CCNJL: variants seen among roughly 807,000 people sequenced by gnomAD.
The protein encoded by CCNJL is cyclin J like.
Under a neutral mutation model 33.4 loss-of-function variants are expected in CCNJL, and 33 were observed. That is an observed-to-expected ratio of 0.99 (90% CI 0.75 to 1.32). The LOEUF (loss-of-function observed/expected upper bound fraction) is 1.32. Among genes scored for constraint, CCNJL ranks in the 40% most tolerant of loss-of-function variants. The pLI is 0.00. For missense variants in CCNJL, 512 were observed against 499.7 expected (o/e 1.02, Z -0.23); for synonymous variants, 227 against 220.9 (o/e 1.03, Z -0.24).
intron 3 of CCNJL, among the ~76,000 whole-genome samples, chr5:160,264,104 C>G (rs1170397191): frequency 2.6e-5 from 4 of 152,226 alleles, no homozygotes; most frequent in South Asian, 4.2e-4. Context: ...CGCCACCACA[C>G]CTGGCTAATT....
chr5:160,316,865 C>T (rs1763386620), upstream of CCNJL, among the ~76,000 whole-genome samples: 1 of 152,226 alleles, frequency 6.6e-6, no homozygotes, highest in Non-Finnish European at 1.5e-5. Context: ...CCTTCTGCTT[C>T]CATATAACCA....
chr5:160,312,085 G>T, intron 1 of CCNJL, 113 bp from the exon 2 acceptor site: 1 of 672,428 alleles, frequency 1.5e-6, no homozygotes, highest in South Asian at 1.8e-5. Flanking sequence ...CCCCTCCTGC[G>T]CCGCTCAGAG....
chr5:160,252,364 C>T lies in CCNJL; in HGVS notation c.*1014G>A, dbSNP rs1201978672. On this transcript the variant is annotated 3_prime_UTR_variant, in exon 6 of 6. Coordinates refer to ENST00000257536, the MANE Select transcript of CCNJL (RefSeq NM_001308173.3). ...TTGCTATCCTTCGCTATCAGCCACA[C>T]TCAAAGCCTAGACTGGGTTAAACTC... The T allele has an allele frequency of 6.6e-6, 1 of 152,522 alleles. No homozygotes were observed. Among genetic ancestry groups the T allele is most frequent in the Non-Finnish European group, 1.5e-5 (1 of 68,058 alleles). 9.4% of individuals were successfully genotyped at this position (152,522 alleles called of 1,614,324 possible).
chr5:160,277,744 GTTT>G (rs57967385), intron 3 of CCNJL, among the ~76,000 whole-genome samples: 3 of 125,216 alleles, frequency 2.4e-5, no homozygotes, highest in Non-Finnish European at 3.3e-5. Flanking sequence ...CTGTCTATCT[GTTT>G]TTTTTTTTTT....
chr5:160,250,989 G>A lies in CCNJL; in HGVS notation c.*2389C>T, dbSNP rs550220685. The A allele has an allele frequency of 3.1e-4, 47 of 152,326 alleles. No homozygotes were observed. Among genetic ancestry groups the A allele is most frequent in the African/African-American group, 1.1e-3 (47 of 41,566 alleles). 9.4% of individuals were successfully genotyped at this position (152,326 alleles called of 1,614,324 possible). A position where few individuals can be genotyped will look rare whatever the true frequency, so the allele number is the denominator to read the frequency against. ...TTGGGTCAACTGCCTTCCAACAGCTGGTAAGTGGTGTGATCATTAAGTTTA... is the reference window on the plus strand; with the variant it reads ...TTGGGTCAACTGCCTTCCAACAGCTAGTAAGTGGTGTGATCATTAAGTTTA... On this transcript the variant is annotated 3_prime_UTR_variant, in exon 6 of 6. Transcript: ENST00000257536.
intron 1 of CCNJL, among the ~76,000 whole-genome samples, chr5:160,327,831 G>A (rs933683191): frequency 6.6e-6 from 1 of 152,190 alleles, no homozygotes; most frequent in Non-Finnish European, 1.5e-5. Context: ...ACCTGTTTCA[G>A]TGTCGGCTTT....
chr5:160,336,124 G>A (rs942158579), intron 1 of CCNJL, among the ~76,000 whole-genome samples: 2 of 152,014 alleles, frequency 1.3e-5, no homozygotes, highest in African/African-American at 2.4e-5. Flanking sequence ...AATTTATATC[G>A]TCAGTCCAGA....
intron 2 of CCNJL, among the ~76,000 whole-genome samples, chr5:160,297,371 G>GC (rs1406922810): frequency 2.1e-4 from 30 of 140,016 alleles, no homozygotes; most frequent in Middle Eastern, 3.5e-3. Flanking sequence ...GTTGAAGCCA[G>GC]CAAAGCCCAC....
chr5:160,284,303 G>A (rs948250653), intron 2 of CCNJL, among the ~76,000 whole-genome samples: 1 of 152,104 alleles, frequency 6.6e-6, no homozygotes, highest in African/African-American at 2.4e-5. Context: ...AGTGACCCGA[G>A]ATTGTGTCAC....
upstream of CCNJL, chr5:160,315,377 T>C (rs946681897): frequency 4.2e-5 from 17 of 403,692 alleles, no homozygotes; most frequent in Non-Finnish European, 7.9e-5. Context: ...TGTGGTGGTA[T>C]ACACCTGTAG....
chr5:160,275,743 AAGGTCACCTCTT>A (rs1447887709), intron 3 of CCNJL, among the ~76,000 whole-genome samples: 4 of 152,202 alleles, frequency 2.6e-5, no homozygotes, highest in African/African-American at 9.6e-5. Context: ...ACCCTAGCAA[AAGGTCACCTCTT>A]GCCCTCCTGG....
At chr5:160,302,297 A>G (rs1431915812) in intron 2 of CCNJL, among the ~76,000 whole-genome samples, 1 of 152,236 alleles carries the variant, frequency 6.6e-6, no homozygotes, top group African/African-American at 2.4e-5. Flanking sequence ...CAGTTAAGGA[A>G]AAAAGTTATG....
At chr5:160,288,829 T>TAA (rs33916362) in intron 2 of CCNJL, among the ~76,000 whole-genome samples, 47 of 89,448 alleles carry the variant, frequency 5.3e-4, no homozygotes, top group Non-Finnish European at 6.3e-4. Flanking sequence ...AGACTCTGTC[T>TAA]AAAAAAAAAA....
At chr5:160,332,811 G>C (rs1763626704) in intron 1 of CCNJL, among the ~76,000 whole-genome samples, 2 of 151,588 alleles carry the variant, frequency 1.3e-5, no homozygotes, top group African/African-American at 4.9e-5. Flanking sequence ...CTAGTCCTTA[G>C]CACTATCTAA....
chr5:160,330,492 C>T (rs974475071), intron 1 of CCNJL, among the ~76,000 whole-genome samples: 7 of 152,218 alleles, frequency 4.6e-5, no homozygotes, highest in Non-Finnish European at 7.4e-5. Context: ...TCTCTCCTCT[C>T]GGCTCCCCCT....
chr5:160,296,331 G>T (rs1239742357), intron 2 of CCNJL, among the ~76,000 whole-genome samples: 1 of 152,114 alleles, frequency 6.6e-6, no homozygotes, highest in African/African-American at 2.4e-5. Context: ...TTCCAGAAGG[G>T]GCCCTCCAAG....
chr5:160,316,899 A>G (rs992983872), upstream of CCNJL, among the ~76,000 whole-genome samples: 1 of 152,220 alleles, frequency 6.6e-6, no homozygotes, highest in African/African-American at 2.4e-5. Context: ...ATTTGCTTCC[A>G]TGTAACCATA....
chr5:160,327,664 G>A (rs1219974552), intron 1 of CCNJL, among the ~76,000 whole-genome samples: 1 of 152,174 alleles, frequency 6.6e-6, no homozygotes, highest in Non-Finnish European at 1.5e-5. Flanking sequence ...AACAACTCTG[G>A]GAGGCATTCT....
chr5:160,275,765 G>A (rs538787077), intron 3 of CCNJL, among the ~76,000 whole-genome samples: 2 of 152,272 alleles, frequency 1.3e-5, no homozygotes, highest in African/African-American at 4.8e-5. Context: ...TGCCCTCCTG[G>A]CTTTCTCCCC....
Sources: gnomAD v4.1 joint callset for allele counts (sites outside exome capture counted in the v4.1 genomes callset) on GRCh38, gnomAD v4.1.1 for gene constraint, MANE v1.5 for transcripts, NCBI Gene and HGNC (gene_info 2026-07-23, HGNC 2026-07-21) for gene names.